The following RAD51B variants were observed in gnomAD, a reference collection of about 807,000 sequenced individuals.
The protein encoded by RAD51B is DNA repair protein RAD51 homolog 2.
A neutral mutation model predicts 42.2 loss-of-function variants in RAD51B; 38 were observed. The ratio of observed to expected loss-of-function variants is 0.90; its 90% CI spans 0.70 to 1.18. The LOEUF is 1.18. Among genes scored for constraint, RAD51B ranks in the 50% most tolerant of loss-of-function variants. RAD51B has a pLI of 0.00. For synonymous variants in RAD51B, 154 were observed against 145.2 expected (o/e 1.06, Z -0.43); for missense variants, 373 against 400.7 (o/e 0.93, Z 0.59).
intron 7 of RAD51B, among the ~76,000 whole-genome samples, chr14:67,937,503 C>T (rs537516876): frequency 8.5e-5 from 13 of 152,272 alleles, no homozygotes; most frequent in East Asian, 1.9e-4. Flanking sequence ...CATCATGTGC[C>T]GCAGGCTGTT....
chr14:68,132,870 A>G (rs1465008373), intron 7 of RAD51B, among the ~76,000 whole-genome samples: 1 of 152,186 alleles, frequency 6.6e-6, no homozygotes, highest in East Asian at 1.9e-4. Context: ...AGTGAGAAAA[A>G]CCTTGGAAAA....
intron 9 of RAD51B, 82 bp downstream of exon 9, chr14:68,411,609 C>A: frequency 7.5e-7 from 1 of 1,325,968 alleles, no homozygotes; most frequent in Non-Finnish European, 1.1e-6. Context: ...TCTGAAAATG[C>A]TGGCCGCATT....
intron 10 of RAD51B, among the ~76,000 whole-genome samples, chr14:68,494,841 G>A (rs1470045348): frequency 1.3e-5 from 2 of 151,964 alleles, no homozygotes; most frequent in African/African-American, 4.8e-5. Flanking sequence ...CCAGCAAGCA[G>A]AGTATGTGAT....
At chr14:68,120,741 G>A (rs1595428400) in intron 7 of RAD51B, among the ~76,000 whole-genome samples, 1 of 151,882 alleles carries the variant, frequency 6.6e-6, no homozygotes, top group South Asian at 2.1e-4. Context: ...GCTTGGGCCC[G>A]GGCTCTGTCT....
intron 8 of RAD51B, among the ~76,000 whole-genome samples, chr14:68,323,394 C>G (rs1038108766): frequency 3.9e-5 from 6 of 152,212 alleles, no homozygotes; most frequent in Admixed American, 2.6e-4. Context: ...GCTGAGCCCC[C>G]ACTTGTGACC....
chr14:68,206,821 A>C (rs2140936543), intron 7 of RAD51B, among the ~76,000 whole-genome samples: 2 of 129,668 alleles, frequency 1.5e-5, no homozygotes, highest in Admixed American at 9.0e-5. Flanking sequence ...ACGGAGTCTC[A>C]CTCTGTCACC....
chr14:68,422,300 C>T (rs1029723112), intron 9 of RAD51B: 31 of 583,052 alleles, frequency 5.3e-5, no homozygotes, highest in African/African-American at 9.4e-5. Flanking sequence ...CGGCAGCTCA[C>T]GCCTGTAATC....
Position 67,999,107 on chromosome 14 carries a change from G to A in RAD51B, c.756+111903G>A, listed in dbSNP as rs571898637. Among the ~76,000 whole-genome samples, 8 of 151,988 alleles carry A rather than the reference G, an allele frequency of 5.3e-5. No homozygotes were observed. The South Asian group carries it at 1.0e-3, about 20-fold the overall frequency. ...AGTGCTTCCAGACAGACATCAGGGCGACCTTGTTCATTTTCCTTTTCTCAG... is the reference window on the plus strand; with the variant it reads ...AGTGCTTCCAGACAGACATCAGGGCAACCTTGTTCATTTTCCTTTTCTCAG... On this transcript the variant is annotated intron_variant, in intron 7 of 10. Coordinates refer to ENST00000471583, the MANE Select transcript of RAD51B (RefSeq NM_133510.4).
intron 7 of RAD51B, among the ~76,000 whole-genome samples, chr14:68,214,553 T>C (rs2079775355): frequency 6.6e-6 from 1 of 152,162 alleles, no homozygotes; most frequent in South Asian, 2.1e-4. Flanking sequence ...ATAAAAAAAC[T>C]CCAAGTAAAG....
At chr14:68,354,101 A>C (rs1342671490) in intron 8 of RAD51B, among the ~76,000 whole-genome samples, 1 of 152,242 alleles carries the variant, frequency 6.6e-6, no homozygotes, top group Non-Finnish European at 1.5e-5. Context: ...AAAGAACATT[A>C]GAAAAAGGAG....
chr14:68,570,338 G>A (rs921703374), intron 10 of RAD51B, among the ~76,000 whole-genome samples: 1 of 152,194 alleles, frequency 6.6e-6, no homozygotes, highest in Non-Finnish European at 1.5e-5. Flanking sequence ...TCTCCCCGGG[G>A]TCATTTGACT....
chr14:68,193,484 T>C (rs751655596), intron 7 of RAD51B, among the ~76,000 whole-genome samples: 11 of 152,192 alleles, frequency 7.2e-5, no homozygotes, highest in Non-Finnish European at 1.3e-4. Context: ...TCTCTTGTTT[T>C]CTCATAACTG....
rs569935349 is a variant in RAD51B at position 68,055,470 on chromosome 14, A to G, written c.756+168266A>G. Among the ~76,000 whole-genome samples, 11 of 152,322 alleles carry G rather than the reference A, an allele frequency of 7.2e-5. No individual in the cohort carries two copies. The South Asian group carries it at 2.3e-3, about 32-fold the overall frequency. ...AAATCAGTAACCTTTCAGAGATTAAATGAGAGCAATCATGTGATAGCAGCA... is the reference window on the plus strand; with the variant it reads ...AAATCAGTAACCTTTCAGAGATTAAGTGAGAGCAATCATGTGATAGCAGCA... On this transcript the variant is annotated intron_variant, in intron 7 of 10. Coordinates refer to ENST00000471583, the MANE Select transcript of RAD51B (RefSeq NM_133510.4).
intron 7 of RAD51B, among the ~76,000 whole-genome samples, chr14:68,210,109 G>A (rs1053799600): frequency 2.2e-4 from 33 of 152,004 alleles, no homozygotes; most frequent in African/African-American, 6.8e-4. Flanking sequence ...ACAGGCGTAC[G>A]CCACCATGCC....
intron 7 of RAD51B, among the ~76,000 whole-genome samples, chr14:68,227,100 C>T (rs959275673): frequency 2.6e-5 from 4 of 152,116 alleles, no homozygotes; most frequent in African/African-American, 9.7e-5. Flanking sequence ...TTTAAAGATG[C>T]AATCAGGCCT....
At chr14:67,942,730 C>G (rs1035507382) in intron 7 of RAD51B, among the ~76,000 whole-genome samples, 10 of 152,110 alleles carry the variant, frequency 6.6e-5, no homozygotes, top group Non-Finnish European at 1.3e-4. Flanking sequence ...TCTATAGTTT[C>G]ATGAAAGGAA....
chr14:68,218,362 T>G (rs1318380714), intron 7 of RAD51B, among the ~76,000 whole-genome samples: 1 of 152,214 alleles, frequency 6.6e-6, no homozygotes, highest in Non-Finnish European at 1.5e-5. Flanking sequence ...AATGCTGGCT[T>G]CAGCAAGGCC....
chr14:68,537,561 C>A (rs1277673333), intron 10 of RAD51B, among the ~76,000 whole-genome samples: 2 of 151,306 alleles, frequency 1.3e-5, no homozygotes, highest in Non-Finnish European at 2.9e-5. Context: ...GTTTTATTTA[C>A]CTCTGCAATA....
intron 10 of RAD51B, among the ~76,000 whole-genome samples, chr14:68,485,323 T>C (rs944832969): frequency 6.6e-6 from 1 of 152,186 alleles, no homozygotes; most frequent in African/African-American, 2.4e-5. Flanking sequence ...CTTCTCACCC[T>C]GTTAAAGTGC....
Sources: gnomAD v4.1 joint callset for allele counts (sites outside exome capture counted in the v4.1 genomes callset) on GRCh38, gnomAD v4.1.1 for gene constraint, MANE v1.5 for transcripts, NCBI Gene and HGNC (gene_info 2026-07-23, HGNC 2026-07-21) for gene names.